The following SQSTM1 variants were observed in gnomAD, a reference collection of about 807,000 sequenced individuals.
SQSTM1 encodes the protein sequestosome 1, also known as sequestosome-1.
In SQSTM1, 36 loss-of-function variants were observed where a neutral mutation model predicts 45.1. That is an observed-to-expected ratio of 0.80 (90% CI 0.61 to 1.05). The LOEUF (loss-of-function observed/expected upper bound fraction) is 1.05. Among genes scored for constraint, SQSTM1 ranks in the 50% least tolerant of loss-of-function variants. The pLI, the probability that SQSTM1 is intolerant of heterozygous loss-of-function variation, is 0.00. For missense variants in SQSTM1, 617 were observed against 607.1 expected (o/e 1.02, Z -0.17); for synonymous variants, 290 against 244.3 (o/e 1.19, Z -1.74).
chr5:179,836,420 C>T lies in SQSTM1; in HGVS notation c.1166-16C>T. On this transcript the variant is annotated splice_polypyrimidine_tract_variant and intron_variant, in intron 7 of 7. Coordinates refer to ENST00000389805, the MANE Select transcript of SQSTM1 (RefSeq NM_003900.5). ...GCTCAGCACCACTCCTCATGGCTTCCTTACTGTTTCGGCAGAGGCTGACCC... is the reference window on the plus strand; with the variant it reads ...GCTCAGCACCACTCCTCATGGCTTCTTTACTGTTTCGGCAGAGGCTGACCC... 1 of 1,613,680 alleles carries T rather than the reference C, an allele frequency of 6.2e-7. No individual in the cohort carries two copies. Among genetic ancestry groups the T allele is most frequent in the Non-Finnish European group, 8.5e-7 (1 of 1,179,978 alleles).
At position 179,837,594 on chromosome 5, in the gene SQSTM1, T is replaced by C; in HGVS notation, c.*1001T>C. 6.2e-7 allele frequency: 1 copy of C among 1,614,248 alleles called. No individual in the cohort carries two copies. Among genetic ancestry groups the C allele is most frequent in the Non-Finnish European group, 8.5e-7 (1 of 1,180,048 alleles). On this transcript the variant is annotated 3_prime_UTR_variant, in exon 8 of 8. Coordinates refer to ENST00000389805, the MANE Select transcript of SQSTM1 (RefSeq NM_003900.5). Reference sequence around the variant, plus strand: ...AGCTGGACAGCGGCAGTGGGCCTGCTGAGGCCTTCTCTTGAGGCCTGTGCT... The same window carrying C: ...AGCTGGACAGCGGCAGTGGGCCTGCCGAGGCCTTCTCTTGAGGCCTGTGCT...
chr5:179,811,838 T>C (rs1287526334), intron 2 of SQSTM1: 3 of 152,258 alleles, frequency 2.0e-5, no homozygotes, highest in Admixed American at 6.5e-5. Context: ...ACGGCGGTTC[T>C]CTGTCGCCCA....
intron 1 of SQSTM1, chr5:179,821,711 G>A (rs1301847081): frequency 3.0e-6 from 1 of 333,562 alleles, no homozygotes; most frequent in Non-Finnish European, 5.9e-6. Context: ...GAGCCAGGTC[G>A]AGTACAGATG....
At chr5:179,826,018 C>T (rs967468873) in intron 5 of SQSTM1, among the ~76,000 whole-genome samples, 4 of 152,158 alleles carry the variant, frequency 2.6e-5, no homozygotes, top group African/African-American at 9.7e-5. Flanking sequence ...GTTTTTGTGA[C>T]TGCAGTGGCA....
Position 179,824,284 on chromosome 5 carries a change from C to G in SQSTM1, c.634C>G (p.Arg212Gly), listed in dbSNP as rs201263163. Residue 212 changes from arginine (R) to glycine (G), a missense_variant, in exon 4 of 8, where the codon CGT becomes GGT. Arg to Gly is a moderately radical substitution (Grantham distance 125). Transcript: ENST00000389805. ...AGGAAACTGGAGCCCACGTCCTCCTCGTGCAGGGGAGGCCCGCCCTGGCCC... is the reference window on the plus strand; with the variant it reads ...AGGAAACTGGAGCCCACGTCCTCCTGGTGCAGGGGAGGCCCGCCCTGGCCC... ...PPGNWSPRPPRAGEARPGPTA... is the reference protein window; with the variant it reads ...PPGNWSPRPPGAGEARPGPTA... The G allele has an allele frequency of 8.1e-6, 13 of 1,613,664 alleles. No individual in the cohort carries two copies. In the African/African-American group the frequency reaches 1.3e-4, roughly 17 times the overall value.
At chr5:179,810,505 C>G (rs1173552091) in intron 1 of SQSTM1, among the ~76,000 whole-genome samples, 1 of 152,184 alleles carries the variant, frequency 6.6e-6, no homozygotes, top group African/African-American at 2.4e-5. Flanking sequence ...TTTCTTAATC[C>G]AGTCTATCAT....
intron 4 of SQSTM1, among the ~76,000 whole-genome samples, 167 bp from the exon 5 acceptor site, chr5:179,824,979 G>T (rs186133537): frequency 8.5e-5 from 13 of 152,192 alleles, no homozygotes; most frequent in Admixed American, 7.2e-4. Context: ...GGGCCAGGGG[G>T]TGCAGAGTGG....
intron 5 of SQSTM1, among the ~76,000 whole-genome samples, chr5:179,832,019 G>A (rs746034068): frequency 1.3e-5 from 2 of 152,120 alleles, no homozygotes; most frequent in South Asian, 2.1e-4. Context: ...TCCTGATCTC[G>A]TGATCCGCCC....
rs1477519424 is a variant in SQSTM1 at position 179,827,046 on chromosome 5, A to G, written c.754+1820A>G. The stretch of plus-strand genomic sequence containing the variant: ...ATATGAACAAGAGTCCTTCACTCAA[A>G]GAACAAAGGAGACATCCCGGGAAGT... On this transcript the variant is annotated intron_variant, in intron 5 of 7. Coordinates refer to ENST00000389805, the MANE Select transcript of SQSTM1 (RefSeq NM_003900.5). Among the ~76,000 whole-genome samples the G allele has an allele frequency of 2.0e-5, 3 of 152,210 alleles. No homozygotes were observed. The East Asian group carries it at 5.8e-4, about 29-fold the overall frequency.
intron 1 of SQSTM1, chr5:179,822,368 C>T (rs755243595): frequency 5.8e-6 from 1 of 173,580 alleles, no homozygotes; most frequent in Non-Finnish European, 1.3e-5. Context: ...GGGTGCCTCA[C>T]CTGTGCCCTC....
At chr5:179,825,104 G>A (rs749840126) in intron 4 of SQSTM1, 42 bp from the exon 5 acceptor site, 4 of 1,585,408 alleles carry the variant, frequency 2.5e-6, no homozygotes, top group East Asian at 2.2e-5. Flanking sequence ...AGGTATCCAA[G>A]GCATTAAAGA....
At chr5:179,828,369 C>CTTTTTTTTTTTTTTTTTTTTTTTTTATTT (rs57483633) in intron 5 of SQSTM1, among the ~76,000 whole-genome samples, 1 of 98,300 alleles carries the variant, frequency 1.0e-5, no homozygotes, top group Non-Finnish European at 2.1e-5. Context: ...TTTTTCTTAT[C>CTTTTTTTTTTTTTTTTTTTTTTTTTATTT]TTTTTTTTTT....
chr5:179,837,489 C>T lies in SQSTM1; in HGVS notation c.*896C>T, dbSNP rs963185868. ...TCCAGGACCAGGGGCCCACCCTCTG[C>T]CCAGGGAGTCCTTGCGTCCCATGAG... On this transcript the variant is annotated 3_prime_UTR_variant, in exon 8 of 8. Coordinates refer to ENST00000389805, the MANE Select transcript of SQSTM1 (RefSeq NM_003900.5). 7 of 1,613,984 alleles carry T rather than the reference C, an allele frequency of 4.3e-6. No homozygotes were observed. Among genetic ancestry groups the T allele is most frequent in the African/African-American group, 1.3e-5 (1 of 74,932 alleles).
intron 5 of SQSTM1, among the ~76,000 whole-genome samples, chr5:179,826,696 G>A (rs1751583340): frequency 1.3e-5 from 2 of 151,104 alleles, no homozygotes; most frequent in Admixed American, 6.6e-5. Context: ...TGCCTTCCAG[G>A]TTCAAGCGAT....
At chr5:179,828,366 TATC>T (rs1283574343) in intron 5 of SQSTM1, among the ~76,000 whole-genome samples, 7 of 145,202 alleles carry the variant, frequency 4.8e-5, no homozygotes, top group East Asian at 3.9e-4. Flanking sequence ...TTTTTTTTCT[TATC>T]TTTTTTTTTT....
Position 179,837,443 on chromosome 5 carries a change from G to A in SQSTM1, c.*850G>A, listed in dbSNP as rs1192999580. ...AGTTATAAAGAGGTCACATAGTCGT[G>A]TGGGTCGAGGATTCTGTGCCTCCAG... On this transcript the variant is annotated 3_prime_UTR_variant, in exon 8 of 8. Coordinates refer to ENST00000389805, the MANE Select transcript of SQSTM1 (RefSeq NM_003900.5). 1.4e-5 allele frequency: 22 copies of A among 1,610,830 alleles called. No individual in the cohort carries two copies. Among genetic ancestry groups the A allele is most frequent in the Non-Finnish European group, 1.9e-5 (22 of 1,178,048 alleles).
In SQSTM1 at chr5:179,837,417, C is replaced by T. The variant is rs780269320; in HGVS notation, c.*824C>T. On this transcript the variant is annotated 3_prime_UTR_variant, in exon 8 of 8. Coordinates refer to ENST00000389805, the MANE Select transcript of SQSTM1 (RefSeq NM_003900.5). Reference sequence around the variant, plus strand: ...CACACATCATCATCGAAGTCTTCCCCAGTTATAAAGAGGTCACATAGTCGT... The same window carrying T: ...CACACATCATCATCGAAGTCTTCCCTAGTTATAAAGAGGTCACATAGTCGT... The T allele has an allele frequency of 1.3e-6, 2 of 1,597,264 alleles. No individual in the cohort carries two copies. Among genetic ancestry groups the T allele is most frequent in the Non-Finnish European group, 1.7e-6 (2 of 1,170,324 alleles).
intron 2 of SQSTM1, 105 bp downstream of exon 2, chr5:179,823,158 A>G (rs1272538659): frequency 4.7e-6 from 5 of 1,054,480 alleles, no homozygotes; most frequent in East Asian, 5.0e-5. Flanking sequence ...GGGGTCAGCA[A>G]TTTGAGGGCT....
intron 4 of SQSTM1, 28 bp downstream of exon 4, chr5:179,824,351 G>A (rs1188385580): frequency 1.2e-6 from 2 of 1,613,302 alleles, no homozygotes; most frequent in East Asian, 2.2e-5. Context: ...ACCTGCTTCT[G>A]ATTGGTGACA....
Sources: gnomAD v4.1 joint callset for allele counts (sites outside exome capture counted in the v4.1 genomes callset) on GRCh38, gnomAD v4.1.1 for gene constraint, MANE v1.5 for transcripts, NCBI Gene and HGNC (gene_info 2026-07-23, HGNC 2026-07-21) for gene names.